Variants in STX8 observed in about 807,000 individuals in gnomAD.
STX8 encodes syntaxin 8.
A neutral mutation model predicts 37.5 loss-of-function variants in STX8; 23 were observed. The ratio of observed to expected loss-of-function variants is 0.61; its 90% CI spans 0.44 to 0.87. STX8 has a LOEUF of 0.87. STX8 is among the 40% of genes least tolerant of loss of function. The pLI is 0.00. For synonymous variants in STX8, 115 were observed against 99.1 expected (o/e 1.16, Z -0.95); for missense variants, 313 against 284.7 (o/e 1.10, Z -0.71).
At chr17:9,429,378 A>G (rs1375134044) in intron 6 of STX8, among the ~76,000 whole-genome samples, 1 of 144,804 alleles carries the variant, frequency 6.9e-6, no homozygotes, top group African/African-American at 2.5e-5. Context: ...TTTATATATA[A>G]CATATATTTA....
chr17:9,456,263 G>C (rs935770237), intron 6 of STX8, among the ~76,000 whole-genome samples: 1 of 152,144 alleles, frequency 6.6e-6, no homozygotes, highest in Non-Finnish European at 1.5e-5. Flanking sequence ...AAGTGTATTT[G>C]GGGGGTGGCA....
At chr17:9,567,377 T>G (rs1374133717) in intron 2 of STX8, among the ~76,000 whole-genome samples, 1 of 152,194 alleles carries the variant, frequency 6.6e-6, no homozygotes, top group Non-Finnish European at 1.5e-5. Flanking sequence ...TTAAAAAGAC[T>G]CAAATTTTGA....
chr17:9,367,575 C>A (rs943292188), intron 7 of STX8, among the ~76,000 whole-genome samples: 2 of 152,138 alleles, frequency 1.3e-5, no homozygotes, highest in Non-Finnish European at 2.9e-5. Context: ...GAAAAAAGTG[C>A]TATGCATTTC....
chr17:9,305,906 G>A (rs561979633), intron 7 of STX8, among the ~76,000 whole-genome samples: 2 of 151,666 alleles, frequency 1.3e-5, no homozygotes, highest in South Asian at 4.2e-4. Flanking sequence ...CACCATTCCC[G>A]GCTAATTTTT....
intron 6 of STX8, among the ~76,000 whole-genome samples, chr17:9,422,825 G>A (rs1036450815): frequency 1.3e-5 from 2 of 152,212 alleles, no homozygotes; most frequent in Admixed American, 1.3e-4. Context: ...TCTACCTTCA[G>A]AAGTGGCGAT....
intron 6 of STX8, among the ~76,000 whole-genome samples, chr17:9,443,152 C>A (rs914399273): frequency 6.6e-6 from 1 of 152,178 alleles, no homozygotes; most frequent in Non-Finnish European, 1.5e-5. Flanking sequence ...GTCCTCCTTG[C>A]AGGTTACCTT....
At chr17:9,342,262 G>A (rs1395023913) in intron 7 of STX8, among the ~76,000 whole-genome samples, 3 of 152,094 alleles carry the variant, frequency 2.0e-5, no homozygotes, top group Non-Finnish European at 2.9e-5. Flanking sequence ...GCTGCTGTGC[G>A]GCCCAGTTCC....
chr17:9,277,433 T>C (rs1248672513), intron 7 of STX8, among the ~76,000 whole-genome samples: 1 of 152,018 alleles, frequency 6.6e-6, no homozygotes, highest in Non-Finnish European at 1.5e-5. Flanking sequence ...CAATGGCTCA[T>C]GAAGGCATCT....
chr17:9,369,972 TG>T (rs1447705765), intron 7 of STX8, among the ~76,000 whole-genome samples: 1 of 150,860 alleles, frequency 6.6e-6, no homozygotes, highest in African/African-American at 2.4e-5. Context: ...CCCAACACTT[TG>T]GGAGGCTGAG....
At chr17:9,327,225 A>AAGGAGGAAGG (rs1201030134) in intron 7 of STX8, among the ~76,000 whole-genome samples, 37 of 148,074 alleles carry the variant, frequency 2.5e-4, no homozygotes, top group African/African-American at 7.9e-4. Context: ...AAGGAGGAAG[A>AAGGAGGAAGG]AGGAGGAAGG....
intron 7 of STX8, among the ~76,000 whole-genome samples, chr17:9,304,708 G>A (rs1908908758): frequency 6.6e-6 from 1 of 151,810 alleles, no homozygotes; most frequent in African/African-American, 2.4e-5. Flanking sequence ...CACAAGCTGA[G>A]TGCCATAATC....
chr17:9,442,915 A>G (rs1904718844), intron 6 of STX8, among the ~76,000 whole-genome samples: 1 of 152,218 alleles, frequency 6.6e-6, no homozygotes, highest in Non-Finnish European at 1.5e-5. Context: ...GAGGGGAGTC[A>G]GTCAGGTATG....
intron 7 of STX8, among the ~76,000 whole-genome samples, chr17:9,312,115 G>A (rs1049259116): frequency 6.6e-6 from 1 of 152,052 alleles, no homozygotes; most frequent in African/African-American, 2.4e-5. Context: ...AAAGTGCTGG[G>A]ATTACAGGTG....
intron 6 of STX8, among the ~76,000 whole-genome samples, chr17:9,445,394 CTTG>C (rs1904803109): frequency 6.7e-6 from 1 of 150,196 alleles, no homozygotes; most frequent in Admixed American, 6.7e-5. Flanking sequence ...AAAGGTACAG[CTTG>C]TTAACACCAC....
At chr17:9,534,649 A>G (rs1195344577) in intron 4 of STX8, among the ~76,000 whole-genome samples, 1 of 152,098 alleles carries the variant, frequency 6.6e-6, no homozygotes. Context: ...TTAGCTGGGC[A>G]TGGTGGTGCG....
intron 1 of STX8, 148 bp downstream of exon 1, chr17:9,575,644 T>A: frequency 2.0e-6 from 2 of 979,902 alleles, no homozygotes; most frequent in Non-Finnish European, 3.0e-6. Context: ...GGGATGTGGC[T>A]GAGCCCCCTC....
At chr17:9,262,401 G>A (rs1907070227) in intron 7 of STX8, among the ~76,000 whole-genome samples, 1 of 152,164 alleles carries the variant, frequency 6.6e-6, no homozygotes, top group Non-Finnish European at 1.5e-5. Context: ...GGTAACACTC[G>A]AGGGGTGGGC....
chr17:9,328,934 C>T (rs1471748889), intron 7 of STX8, among the ~76,000 whole-genome samples: 1 of 151,704 alleles, frequency 6.6e-6, no homozygotes, highest in African/African-American at 2.4e-5. Context: ...CCTGTAGTCC[C>T]AGCTAGTCAG....
chr17:9,572,703 T>C (rs1907730460), intron 1 of STX8, among the ~76,000 whole-genome samples: 1 of 121,422 alleles, frequency 8.2e-6, no homozygotes, highest in Non-Finnish European at 1.9e-5. Flanking sequence ...CCACCACACC[T>C]GGCCTTTTAT....
Sources: gnomAD v4.1 joint callset for allele counts (sites outside exome capture counted in the v4.1 genomes callset) on GRCh38, gnomAD v4.1.1 for gene constraint, MANE v1.5 for transcripts, NCBI Gene and HGNC (gene_info 2026-07-23, HGNC 2026-07-21) for gene names.